Variants in DHRS9 observed in about 807,000 individuals in gnomAD.
DHRS9 encodes the protein dehydrogenase/reductase SDR family member 9.
In DHRS9, 18 loss-of-function variants were observed where a neutral mutation model predicts 26.6. That is an observed-to-expected ratio of 0.68 (90% CI 0.47 to 1.00). The LOEUF (loss-of-function observed/expected upper bound fraction) is 1.00. Among genes scored for constraint, DHRS9 ranks in the 50% least tolerant of loss-of-function variants. The pLI is 0.00. For missense variants in DHRS9, 425 were observed against 378.7 expected (o/e 1.12, Z -1.01); for synonymous variants, 134 against 141.1 (o/e 0.95, Z 0.36).
chr2:169,067,324 C>T (rs191469133), upstream of DHRS9: 112 of 1,524,862 alleles, frequency 7.3e-5, no homozygotes, highest in East Asian at 2.4e-3. Context: ...CTTAGACCAT[C>T]CCCAGAATGG....
At chr2:169,089,148 T>G (rs1160948186) in intron 3 of DHRS9, among the ~76,000 whole-genome samples, 1 of 152,186 alleles carries the variant, frequency 6.6e-6, no homozygotes, top group African/African-American at 2.4e-5. Flanking sequence ...GTGTGAGGTA[T>G]CTACTGAAAT....
chr2:169,093,343 C>CACACACACACAT (rs1553480614), intron 4 of DHRS9, among the ~76,000 whole-genome samples: 1 of 151,200 alleles, frequency 6.6e-6, no homozygotes, highest in African/African-American at 2.4e-5. Context: ...CACACACACA[C>CACACACACACAT]GCACACACAC....
chr2:169,081,991 G>C (rs139397008), intron 2 of DHRS9, 97 bp downstream of exon 2: 2 of 1,253,740 alleles, frequency 1.6e-6, no homozygotes, highest in Non-Finnish European at 2.2e-6. Context: ...ATGGCCTTTC[G>C]AGAAAATGTT....
intron 3 of DHRS9, among the ~76,000 whole-genome samples, chr2:169,089,116 T>C (rs1684440990): frequency 1.3e-5 from 2 of 152,296 alleles, no homozygotes; most frequent in Middle Eastern, 3.4e-3. Context: ...GCAGAGAGTA[T>C]GCTTAAAGGA....
chr2:169,081,162 T>G, intron 1 of DHRS9: 2 of 1,012,472 alleles, frequency 2.0e-6, no homozygotes, highest in Non-Finnish European at 2.4e-6. Context: ...GGTAAGATTT[T>G]ACTGTGAGGG....
upstream of DHRS9, among the ~76,000 whole-genome samples, chr2:169,069,284 C>T (rs1187528813): frequency 6.6e-6 from 1 of 152,116 alleles, no homozygotes; most frequent in African/African-American, 2.4e-5. Flanking sequence ...TAAAACCACG[C>T]ACCAGGCAGT....
At chr2:169,089,813 G>C (rs1490940650) in intron 3 of DHRS9, among the ~76,000 whole-genome samples, 1 of 152,172 alleles carries the variant, frequency 6.6e-6, no homozygotes, top group African/African-American at 2.4e-5. Flanking sequence ...TTTTGATTAA[G>C]TGGATCTGGA....
intron 3 of DHRS9, among the ~76,000 whole-genome samples, chr2:169,090,899 C>T (rs1684500158): frequency 6.6e-6 from 1 of 152,112 alleles, no homozygotes; most frequent in Non-Finnish European, 1.5e-5. Context: ...ACCCCAGCTC[C>T]CCGTCAGCCG....
chr2:169,082,974 A>T lies in DHRS9; in HGVS notation c.314-355A>T, dbSNP rs1198687738. ...AGCAGCACACCAACATGGCACATGT[A>T]TACATATGTAACAAACTGCATGTTG... On this transcript the variant is annotated intron_variant, in intron 2 of 4. Transcript: ENST00000674881. Among the ~76,000 whole-genome samples, 4 of 152,162 alleles carry T rather than the reference A, an allele frequency of 2.6e-5. 1 individual carries two copies. The East Asian group carries it at 7.7e-4, about 29-fold the overall frequency.
At chr2:169,067,350 C>A (rs1239112519), upstream of DHRS9, 3 of 1,498,830 alleles carry the variant, frequency 2.0e-6, no homozygotes, top group Admixed American at 2.1e-5. Flanking sequence ...TTGCAGGAAG[C>A]CTAACGTATG....
chr2:169,085,514 G>A (rs1169792599), intron 3 of DHRS9, among the ~76,000 whole-genome samples: 1 of 151,948 alleles, frequency 6.6e-6, no homozygotes, highest in Admixed American at 6.6e-5. Context: ...TTTTATCAAT[G>A]TTTTATAGTT....
chr2:169,096,119 A>G lies in DHRS9; in HGVS notation c.*352A>G, dbSNP rs1684691019. The G allele has an allele frequency of 3.6e-6, 1 of 276,550 alleles. No homozygotes were observed. Among genetic ancestry groups the G allele is most frequent in the Non-Finnish European group, 7.0e-6 (1 of 143,778 alleles). The allele number at this position is 276,550 out of a possible 1,614,324, so 17.1% of individuals were successfully genotyped here. Reference sequence around the variant, plus strand: ...CCCCAGCATTTACAGTAACTTGTGAATGTTAAGTATCATCTCTTATCTAAA... The same window carrying G: ...CCCCAGCATTTACAGTAACTTGTGAGTGTTAAGTATCATCTCTTATCTAAA... On this transcript the variant is annotated 3_prime_UTR_variant, in exon 5 of 5. Coordinates refer to ENST00000674881, the MANE Select transcript of DHRS9 (RefSeq NM_001376924.1).
chr2:169,089,468 G>A (rs768470846), intron 3 of DHRS9, among the ~76,000 whole-genome samples: 69 of 152,112 alleles, frequency 4.5e-4, no homozygotes, highest in Non-Finnish European at 7.2e-4. Context: ...AGAAGCAAGC[G>A]GAAGATATTC....
At chr2:169,077,205 T>A (rs544864194) in intron 1 of DHRS9, among the ~76,000 whole-genome samples, 31 of 152,224 alleles carry the variant, frequency 2.0e-4, no homozygotes, top group Non-Finnish European at 4.3e-4. Context: ...TTTATGTGAT[T>A]CTATTTGTTC....
intron 1 of DHRS9, among the ~76,000 whole-genome samples, chr2:169,078,698 A>T (rs766016200): frequency 6.6e-6 from 1 of 152,136 alleles, no homozygotes; most frequent in Non-Finnish European, 1.5e-5. Context: ...CAAATTATTA[A>T]GCCATGGTAA....
Position 169,081,788 on chromosome 2 carries a change from A to C in DHRS9, c.207A>C (p.Leu69Phe), listed in dbSNP as rs1212441522. Reference sequence around the variant, plus strand: ...TGACTGAATCAGGATCAACAGCTTTAAAGGCAGAAACCTCAGAGAGACTTC... The same window carrying C: ...TGACTGAATCAGGATCAACAGCTTTCAAGGCAGAAACCTCAGAGAGACTTC... ...ACLTESGSTA[L>F]KAETSERLRT... The change falls in exon 2 of 5, where the codon TTA becomes TTC. Residue 69 changes from leucine (L) to phenylalanine (F), a missense_variant. Physicochemically the swap from Leu to Phe is conservative, Grantham distance 22. Transcript: ENST00000674881. 1 of 1,614,216 alleles carries C rather than the reference A, an allele frequency of 6.2e-7. No individual in the cohort carries two copies. The highest frequency in any genetic ancestry group is 8.5e-7 in the Non-Finnish European group (1 of 1,180,034).
chr2:169,095,294 C>T (rs998362709), intron 4 of DHRS9, among the ~76,000 whole-genome samples: 1 of 152,072 alleles, frequency 6.6e-6, no homozygotes, highest in Admixed American at 6.6e-5. Context: ...GAGGTGGAAC[C>T]GAGAAACCTG....
chr2:169,076,378 T>C (rs1172103178), intron 1 of DHRS9, among the ~76,000 whole-genome samples: 2 of 152,208 alleles, frequency 1.3e-5, no homozygotes, highest in African/African-American at 4.8e-5. Context: ...TACATTCGCC[T>C]CCAAGCTCAG....
chr2:169,077,104 G>A (rs765319186), intron 1 of DHRS9, among the ~76,000 whole-genome samples: 2 of 152,176 alleles, frequency 1.3e-5, no homozygotes, highest in African/African-American at 2.4e-5. Context: ...AACAGCCCAC[G>A]TTGTTCAGAT....
Sources: allele counts gnomAD v4.1 joint callset (sites outside exome capture counted in the v4.1 genomes callset), GRCh38; gene constraint gnomAD v4.1.1; transcripts MANE v1.5; gene names NCBI Gene and HGNC (gene_info 2026-07-23, HGNC 2026-07-21).